The following PAX3 variants were observed in gnomAD, a reference collection of about 807,000 sequenced individuals.
PAX3 encodes the protein paired box 3.
A neutral mutation model predicts 51.6 loss-of-function variants in PAX3; 14 were observed. The ratio of observed to expected loss-of-function variants is 0.27; its 90% CI spans 0.18 to 0.42. The LOEUF is 0.42. Ranked by LOEUF, PAX3 falls within the 10% of genes least tolerant of loss-of-function variation. PAX3 has a pLI of 1.00. For synonymous variants in PAX3, 280 were observed against 253.4 expected (o/e 1.11, Z -1.00); for missense variants, 540 against 642.8 (o/e 0.84, Z 1.73).
At chr2:222,261,984 C>A (rs916951395) in intron 4 of PAX3, among the ~76,000 whole-genome samples, 1 of 152,186 alleles carries the variant, frequency 6.6e-6, no homozygotes, top group Non-Finnish European at 1.5e-5. Context: ...CAAATAGCTT[C>A]TTTGTGCCCC....
chr2:222,243,622 G>A (rs1693100661), intron 4 of PAX3, among the ~76,000 whole-genome samples: 1 of 152,118 alleles, frequency 6.6e-6, no homozygotes, highest in Non-Finnish European at 1.5e-5. Flanking sequence ...AAGAAACAGA[G>A]GCATAGATTC....
chr2:222,289,048 A>G (rs1694934335), intron 4 of PAX3, among the ~76,000 whole-genome samples: 1 of 152,262 alleles, frequency 6.6e-6, no homozygotes, highest in African/African-American at 2.4e-5. Context: ...TCCTACTTGT[A>G]AAACAACCCC....
At chr2:222,246,836 T>A (rs1211241294) in intron 4 of PAX3, among the ~76,000 whole-genome samples, 2 of 152,240 alleles carry the variant, frequency 1.3e-5, no homozygotes, top group Non-Finnish European at 2.9e-5. Context: ...TGTTTATATT[T>A]GAAAATTTAA....
intron 4 of PAX3, among the ~76,000 whole-genome samples, chr2:222,243,995 G>T (rs942202474): frequency 4.6e-5 from 7 of 152,114 alleles, no homozygotes; most frequent in Non-Finnish European, 8.8e-5. Flanking sequence ...CGTGAAGAGG[G>T]GATAATGAAT....
intron 4 of PAX3, among the ~76,000 whole-genome samples, chr2:222,268,286 G>A (rs572603233): frequency 6.6e-6 from 1 of 152,264 alleles, no homozygotes; most frequent in East Asian, 1.9e-4. Flanking sequence ...CACCCTTGGG[G>A]GAATCTGGAA....
At chr2:222,279,967 T>C (rs192982086) in intron 4 of PAX3, among the ~76,000 whole-genome samples, 2 of 152,242 alleles carry the variant, frequency 1.3e-5, no homozygotes, top group Admixed American at 1.3e-4. Context: ...TCCCAGCATT[T>C]TGGGAGGCTG....
At chr2:222,296,838 G>T (rs1017964785) in intron 2 of PAX3, 140 bp downstream of exon 2, 1 of 720,840 alleles carries the variant, frequency 1.4e-6, no homozygotes, top group South Asian at 1.5e-5. Flanking sequence ...ACACACACAC[G>T]CGCGCCTTTA....
At chr2:222,296,895 G>T in intron 2 of PAX3, 83 bp downstream of exon 2, 3 of 1,133,718 alleles carry the variant, frequency 2.6e-6, no homozygotes, top group Non-Finnish European at 2.6e-6. Flanking sequence ...AGCCCCAGAT[G>T]TCAGCCGTTA....
At chr2:222,284,724 G>T (rs1694773424) in intron 4 of PAX3, among the ~76,000 whole-genome samples, 1 of 152,138 alleles carries the variant, frequency 6.6e-6, no homozygotes, top group African/African-American at 2.4e-5. Flanking sequence ...TTGTAGGCTG[G>T]TCACTTTCTG....
At chr2:222,295,701 G>C (rs777683571) in intron 2 of PAX3, 44 bp from the exon 3 acceptor site, 6 of 1,612,632 alleles carry the variant, frequency 3.7e-6, no homozygotes, top group Non-Finnish European at 5.1e-6. Context: ...CGGTACCCTG[G>C]GCCAGGTGGC....
intron 4 of PAX3, among the ~76,000 whole-genome samples, chr2:222,260,562 T>G (rs550156633): frequency 1.3e-3 from 80 of 63,518 alleles, no homozygotes; most frequent in South Asian, 7.5e-3. Context: ...GTTTTTTTTT[T>G]TTGTTTTTTT....
At chr2:222,259,452 T>C (rs1331271386) in intron 4 of PAX3, among the ~76,000 whole-genome samples, 1 of 152,184 alleles carries the variant, frequency 6.6e-6, no homozygotes, top group Admixed American at 6.5e-5. Context: ...ATATATCAAA[T>C]ATAAAGACTA....
At position 222,283,930 on chromosome 2, in the gene PAX3, C is replaced by T. The variant is rs370141143; in HGVS notation, c.586+10237G>A. ...CATGGGGGCAGGAGCTCTCCAGCTCCTAGGAGCCTTACTAGCCAGGCTATT... is the reference window on the plus strand; with the variant it reads ...CATGGGGGCAGGAGCTCTCCAGCTCTTAGGAGCCTTACTAGCCAGGCTATT... On this transcript the variant is annotated intron_variant, in intron 4 of 8. Transcript: ENST00000392070. 6.0e-4 allele frequency among the ~76,000 whole-genome samples: 92 copies of T among 152,360 alleles called. 1 individual carries two copies. The South Asian group carries it at 0.01, about 17-fold the overall frequency.
chr2:222,252,023 T>C (rs1010912930), intron 4 of PAX3, among the ~76,000 whole-genome samples: 14 of 152,176 alleles, frequency 9.2e-5, no homozygotes, highest in African/African-American at 3.4e-4. Flanking sequence ...CCAAATGTGA[T>C]CCATTGCCTG....
At position 222,294,207 on chromosome 2, in the gene PAX3, C is replaced by T. The variant is rs754076153; in HGVS notation, c.546G>A (p.Lys182=). Reference sequence around the variant, plus strand: ...TGCCGTCGATGCTGTGTTTGGCCTTCTTCTCGCTTTCCTCTGCCTCCTTCC... The same window carrying T: ...TGCCGTCGATGCTGTGTTTGGCCTTTTTCTCGCTTTCCTCTGCCTCCTTCC... ...LERKEAEESE[K]KAKHSIDGIL... The change falls in exon 4 of 9, where the codon AAG becomes AAA. Residue 182 remains lysine, a synonymous_variant. Coordinates refer to ENST00000392070, the MANE Select transcript of PAX3 (RefSeq NM_181458.4). 1 of 1,614,256 alleles carries T rather than the reference C, an allele frequency of 6.2e-7. No individual in the cohort carries two copies. Among genetic ancestry groups the T allele is most frequent in the East Asian group, 2.2e-5 (1 of 44,882 alleles).
At chr2:222,256,749 C>T (rs1693661638) in intron 4 of PAX3, among the ~76,000 whole-genome samples, 1 of 152,182 alleles carries the variant, frequency 6.6e-6, no homozygotes, top group South Asian at 2.1e-4. Flanking sequence ...TTCAATGACA[C>T]AATTTGTTTT....
At chr2:222,244,096 C>T (rs1009831010) in intron 4 of PAX3, among the ~76,000 whole-genome samples, 1 of 152,154 alleles carries the variant, frequency 6.6e-6, no homozygotes, top group African/African-American at 2.4e-5. Context: ...CACATCCAAC[C>T]AATGGACCTA....
rs111248951 is a variant in PAX3 at position 222,252,039 on chromosome 2, A to G, written c.587-19756T>C. ...CAAATGTGATCCATTGCCTGTTTTT[A>G]CCTCTGAGCTAAGGATGGTTACTAC... is the stretch of plus-strand genomic sequence containing the variant. On this transcript the variant is annotated intron_variant, in intron 4 of 8. Coordinates refer to ENST00000392070, the MANE Select transcript of PAX3 (RefSeq NM_181458.4). Among the ~76,000 whole-genome samples, 15 of 152,300 alleles carry G rather than the reference A, an allele frequency of 9.8e-5. 1 individual carries two copies. The highest frequency in any genetic ancestry group is 3.6e-4 in the African/African-American group (15 of 41,572).
intron 4 of PAX3, chr2:222,262,498 G>C (rs1049334131): frequency 6.6e-6 from 1 of 151,902 alleles, no homozygotes; most frequent in African/African-American, 2.4e-5. Context: ...TTTATTAATT[G>C]GGTATGTAAT....
Sources: allele counts gnomAD v4.1 joint callset (sites outside exome capture counted in the v4.1 genomes callset), GRCh38; gene constraint gnomAD v4.1.1; transcripts MANE v1.5; gene names NCBI Gene and HGNC (gene_info 2026-07-23, HGNC 2026-07-21).